COL22A1: variants seen among roughly 807,000 people sequenced by gnomAD.
COL22A1 encodes the protein collagen type XXII alpha 1 chain.
A neutral mutation model predicts 248.9 loss-of-function variants in COL22A1; 221 were observed. That is an observed-to-expected ratio of 0.89 (90% CI 0.80 to 0.99). COL22A1 has a LOEUF of 0.99. COL22A1 is among the 50% of genes least tolerant of loss of function. The probability of loss-of-function intolerance (pLI) is 0.00; values close to 1 mark genes in which losing one functional copy is unlikely to be tolerated. For synonymous variants in COL22A1, 891 were observed against 793.4 expected (o/e 1.12, Z -2.07); for missense variants, 2,240 against 2,179.0 (o/e 1.03, Z -0.56).
chr8:138,613,413 C>T (rs1819057944), intron 56 of COL22A1, among the ~76,000 whole-genome samples: 1 of 152,172 alleles, frequency 6.6e-6, no homozygotes, highest in African/African-American at 2.4e-5. Context: ...TGGAATGATT[C>T]TGTCTCAGCC....
intron 58 of COL22A1, among the ~76,000 whole-genome samples, chr8:138,605,302 A>T (rs1326396013): frequency 3.9e-5 from 6 of 152,224 alleles, no homozygotes; most frequent in African/African-American, 1.4e-4. Flanking sequence ...GTTCTCCAAA[A>T]GCACACTGGG....
chr8:138,888,552 G>C (rs1004958922), intron 1 of COL22A1, among the ~76,000 whole-genome samples: 1 of 152,198 alleles, frequency 6.6e-6, no homozygotes, highest in Non-Finnish European at 1.5e-5. Flanking sequence ...ACCACCTTCA[G>C]GGCAAAGTGC....
chr8:138,671,414 C>A (rs767985791), intron 41 of COL22A1, among the ~76,000 whole-genome samples: 1 of 152,114 alleles, frequency 6.6e-6, no homozygotes, highest in African/African-American at 2.4e-5. Flanking sequence ...GTAGCCAGAC[C>A]GTAGTACTAT....
chr8:138,692,192 A>ATGTGCATGTTTGTGGACGTATGTGTGCG (rs1827072057), intron 35 of COL22A1, among the ~76,000 whole-genome samples: 1 of 120,870 alleles, frequency 8.3e-6, no homozygotes, highest in Non-Finnish European at 1.8e-5. Context: ...GTGCACGTGC[A>ATGTGCATGTTTGTGGACGTATGTGTGCG]TGTGTGCATG....
At chr8:138,679,796 A>G (rs1174920085) in intron 39 of COL22A1, 120 bp from the exon 40 acceptor site, 3 of 915,320 alleles carry the variant, frequency 3.3e-6, no homozygotes, top group East Asian at 2.4e-5. Flanking sequence ...CAGTGTCCAG[A>G]TTAGGGTCTG....
chr8:138,604,639 A>C, intron 59 of COL22A1, 95 bp downstream of exon 59: 1 of 986,632 alleles, frequency 1.0e-6, no homozygotes, highest in Non-Finnish European at 1.6e-6. Flanking sequence ...TGTTAAGGCA[A>C]GTGTGGGCCC....
At chr8:138,710,028 A>C (rs953761536) in intron 30 of COL22A1, among the ~76,000 whole-genome samples, 1 of 152,174 alleles carries the variant, frequency 6.6e-6, no homozygotes, top group Non-Finnish European at 1.5e-5. Context: ...ACATTCCTAT[A>C]AGCAACACAG....
chr8:138,667,130 C>A (rs997660470), intron 41 of COL22A1, among the ~76,000 whole-genome samples: 8 of 152,192 alleles, frequency 5.3e-5, no homozygotes, highest in Non-Finnish European at 1.2e-4. Flanking sequence ...CAATGACTTT[C>A]TAATGTCATT....
chr8:138,740,790 C>T lies in COL22A1; in HGVS notation c.2086-3213G>A, dbSNP rs114884109. Among the ~76,000 whole-genome samples the T allele has an allele frequency of 2.4e-3, 370 of 152,266 alleles. 2 individuals are homozygous for T. The highest frequency in any genetic ancestry group is 8.4e-3 in the African/African-American group (350 of 41,556). On this transcript the variant is annotated intron_variant, in intron 22 of 64. Coordinates refer to ENST00000303045, the MANE Select transcript of COL22A1 (RefSeq NM_152888.3). The stretch of plus-strand genomic sequence containing the variant: ...CAGAGCAGGTCTTTCATGGGTCATC[C>T]ATGAAGGGGCATCATCCAGAGAAGC...
At chr8:138,591,584 G>A in intron 63 of COL22A1, 83 bp from the exon 64 acceptor site, 2 of 1,098,096 alleles carry the variant, frequency 1.8e-6, no homozygotes, top group South Asian at 1.9e-5. Context: ...GGGAGGTGCA[G>A]GGGCAGCACT....
At chr8:138,800,160 G>A (rs1217686015) in intron 11 of COL22A1, among the ~76,000 whole-genome samples, 1 of 152,198 alleles carries the variant, frequency 6.6e-6, no homozygotes, top group Non-Finnish European at 1.5e-5. Flanking sequence ...TGGCTGGGAA[G>A]GAGCAGTAGC....
chr8:138,745,238 C>T (rs770694391), intron 22 of COL22A1, among the ~76,000 whole-genome samples: 6 of 151,276 alleles, frequency 4.0e-5, no homozygotes, highest in Admixed American at 1.3e-4. Flanking sequence ...GATGTCTAGG[C>T]GATTTCAGCT....
intron 22 of COL22A1, among the ~76,000 whole-genome samples, chr8:138,744,716 G>A (rs1831968743): frequency 6.6e-6 from 1 of 152,250 alleles, no homozygotes; most frequent in Non-Finnish European, 1.5e-5. Flanking sequence ...AATCATGGGT[G>A]CAAACAATTC....
chr8:138,847,719 C>T (rs1292456135), intron 3 of COL22A1, among the ~76,000 whole-genome samples: 1 of 150,668 alleles, frequency 6.6e-6, no homozygotes, highest in Non-Finnish European at 1.5e-5. Context: ...GCATATGAAA[C>T]ATAATGTTTG....
chr8:138,732,282 G>A (rs2131220508), intron 23 of COL22A1, among the ~76,000 whole-genome samples: 1 of 152,354 alleles, frequency 6.6e-6, no homozygotes, highest in Non-Finnish European at 1.5e-5. Flanking sequence ...AACGCAAGAA[G>A]CGACACTGTC....
At position 138,883,107 on chromosome 8, in the gene COL22A1, G is replaced by T; in HGVS notation, c.66C>A (p.Gly22=). 1 of 1,592,442 alleles carries T rather than the reference G, an allele frequency of 6.3e-7. No individual in the cohort carries two copies. ...CTGCCCGCTGAGCCTGGCAGCCGCC[G>T]CCCCCACTCCACAGCAGCAGCATCC... ...LLWMLLLWSG[G]GGCQAQRAGC... is the part of the protein sequence containing the mutation. The change falls in exon 2 of 65, where the codon GGC becomes GGA. Residue 22 remains glycine (G), a synonymous_variant. Transcript: ENST00000303045.
chr8:138,685,151 C>T (rs1209499048), intron 38 of COL22A1, 57 bp downstream of exon 38: 4 of 1,211,602 alleles, frequency 3.3e-6, no homozygotes, highest in African/African-American at 1.5e-5. Flanking sequence ...TTTCCTTTTC[C>T]TTCTCTAATT....
intron 9 of COL22A1, among the ~76,000 whole-genome samples, chr8:138,809,487 A>AGAGGGTGTAT (rs1295115231): frequency 4.7e-5 from 7 of 149,666 alleles, no homozygotes; most frequent in Admixed American, 4.6e-4. Flanking sequence ...CTAAAGGAGG[A>AGAGGGTGTAT]GAGGGTGTAT....
intron 3 of COL22A1, among the ~76,000 whole-genome samples, chr8:138,867,454 A>G (rs1822986425): frequency 6.6e-6 from 1 of 152,192 alleles, no homozygotes; most frequent in Non-Finnish European, 1.5e-5. Context: ...AAGTATGATA[A>G]CAAGAACCAC....
Sources: allele counts gnomAD v4.1 joint callset (sites outside exome capture counted in the v4.1 genomes callset), GRCh38; gene constraint gnomAD v4.1.1; transcripts MANE v1.5; gene names NCBI Gene and HGNC (gene_info 2026-07-23, HGNC 2026-07-21).